The following DCC variants were observed in gnomAD, a reference collection of about 807,000 sequenced individuals.
The protein encoded by DCC is DCC netrin 1 receptor.
A neutral mutation model predicts 172.5 loss-of-function variants in DCC; 58 were observed. That is an observed-to-expected ratio of 0.34 (90% CI 0.27 to 0.42). DCC has a LOEUF of 0.42. Among genes scored for constraint, DCC ranks in the 10% least tolerant of loss-of-function variants. DCC has a pLI of 1.00. For synonymous variants in DCC, 709 were observed against 644.5 expected (o/e 1.10, Z -1.52); for missense variants, 1,740 against 1,791.0 (o/e 0.97, Z 0.51).
At chr18:52,495,140 G>A (rs543307918) in intron 1 of DCC, among the ~76,000 whole-genome samples, 15 of 152,160 alleles carry the variant, frequency 9.9e-5, no homozygotes, top group African/African-American at 2.4e-4. Context: ...CCTTGTCTCC[G>A]TCACCAAAGG....
At chr18:52,518,277 G>T (rs976920650) in intron 1 of DCC, among the ~76,000 whole-genome samples, 2 of 152,184 alleles carry the variant, frequency 1.3e-5, no homozygotes, top group Non-Finnish European at 2.9e-5. Flanking sequence ...GATTCCGTAA[G>T]AAAAAGCCAT....
At chr18:52,821,333 C>T (rs2038404240) in intron 2 of DCC, among the ~76,000 whole-genome samples, 1 of 152,144 alleles carries the variant, frequency 6.6e-6, no homozygotes, top group Non-Finnish European at 1.5e-5. Flanking sequence ...CCTCTCTTCC[C>T]CTCCTTCATC....
At chr18:53,283,964 G>A (rs1053977068) in intron 12 of DCC, among the ~76,000 whole-genome samples, 26 of 152,170 alleles carry the variant, frequency 1.7e-4, no homozygotes, top group African/African-American at 6.3e-4. Context: ...ATGATGAAAA[G>A]TACATAGGCT....
At chr18:53,410,310 CAT>C (rs1404189060) in intron 19 of DCC, 140 bp from the exon 20 acceptor site, 1 of 647,558 alleles carries the variant, frequency 1.5e-6, no homozygotes, top group Non-Finnish European at 2.8e-6. Flanking sequence ...GAAAAAAAGA[CAT>C]TACTTACAGA....
intron 5 of DCC, among the ~76,000 whole-genome samples, chr18:52,966,698 T>C (rs1420061398): frequency 1.3e-5 from 2 of 152,210 alleles, no homozygotes; most frequent in East Asian, 3.9e-4. Context: ...CCATGGCTCC[T>C]ACTGTTTGTG....
At chr18:52,901,211 T>A (rs964792481) in intron 2 of DCC, among the ~76,000 whole-genome samples, 4 of 152,048 alleles carry the variant, frequency 2.6e-5, no homozygotes, top group Non-Finnish European at 5.9e-5. Context: ...GGCAGGTGGA[T>A]CATTTGAAGT....
chr18:52,950,694 G>T (rs894204060), intron 5 of DCC, among the ~76,000 whole-genome samples: 1 of 151,444 alleles, frequency 6.6e-6, no homozygotes, highest in Non-Finnish European at 1.5e-5. Context: ...GGAGGCCGAG[G>T]GGGGTGGATC....
chr18:53,358,620 A>T (rs962169227), intron 15 of DCC, among the ~76,000 whole-genome samples: 1 of 138,898 alleles, frequency 7.2e-6, no homozygotes, highest in Non-Finnish European at 1.5e-5. Flanking sequence ...TTCCAGGTTC[A>T]ACCGATTCTC....
At chr18:53,374,434 T>C (rs1470724038) in intron 15 of DCC, among the ~76,000 whole-genome samples, 3 of 152,204 alleles carry the variant, frequency 2.0e-5, no homozygotes, top group Admixed American at 2.0e-4. Flanking sequence ...CATGAAACTA[T>C]GTATTATTTG....
intron 2 of DCC, among the ~76,000 whole-genome samples, chr18:52,776,700 A>G (rs1033223213): frequency 1.4e-4 from 21 of 151,860 alleles, no homozygotes; most frequent in Non-Finnish European, 5.9e-5. Context: ...TAAAAGTTTC[A>G]GAGAAAAACG....
At chr18:52,611,810 G>C (rs1456529045) in intron 1 of DCC, among the ~76,000 whole-genome samples, 1 of 152,056 alleles carries the variant, frequency 6.6e-6, no homozygotes, top group African/African-American at 2.4e-5. Flanking sequence ...ATACTACATG[G>C]TTTATAATGG....
At chr18:53,328,170 A>G in intron 14 of DCC, among the ~76,000 whole-genome samples, 1 of 152,226 alleles carries the variant, frequency 6.6e-6, no homozygotes, top group East Asian at 1.9e-4. Flanking sequence ...ATAAAAGTTC[A>G]GTGAAGTTGC....
intron 5 of DCC, among the ~76,000 whole-genome samples, chr18:53,061,879 C>T (rs933454963): frequency 6.6e-6 from 1 of 152,062 alleles, no homozygotes; most frequent in African/African-American, 2.4e-5. Flanking sequence ...TGTCAGCTCT[C>T]AATAAATGTT....
intron 9 of DCC, among the ~76,000 whole-genome samples, chr18:53,191,909 G>T (rs376456875): frequency 6.6e-6 from 1 of 152,078 alleles, no homozygotes; most frequent in South Asian, 2.1e-4. Context: ...AGCACACCAG[G>T]GTTCCCGTAT....
At chr18:52,772,337 TGTG>T (rs2037358636) in intron 2 of DCC, among the ~76,000 whole-genome samples, 1 of 152,254 alleles carries the variant, frequency 6.6e-6, no homozygotes, top group African/African-American at 2.4e-5. Context: ...AAGTGTGTAT[TGTG>T]GGGCACCAGC....
chr18:52,570,741 T>A (rs1380114852), intron 1 of DCC, among the ~76,000 whole-genome samples: 2 of 152,328 alleles, frequency 1.3e-5, no homozygotes, highest in East Asian at 1.9e-4. Context: ...TTGATATTTT[T>A]AAAAGATTTG....
At chr18:53,109,210 C>G (rs2043295355) in intron 7 of DCC, among the ~76,000 whole-genome samples, 1 of 151,282 alleles carries the variant, frequency 6.6e-6, no homozygotes, top group African/African-American at 2.4e-5. Flanking sequence ...AATGCCTACT[C>G]AGGTCTCTTG....
At chr18:53,465,393 GA>G (rs2045608632) in intron 24 of DCC, among the ~76,000 whole-genome samples, 1 of 152,070 alleles carries the variant, frequency 6.6e-6, no homozygotes, top group South Asian at 2.1e-4. Flanking sequence ...TTTAGCACTT[GA>G]AAAATGTGTT....
At chr18:52,721,784 G>A (rs1012007009) in intron 1 of DCC, among the ~76,000 whole-genome samples, 2 of 152,158 alleles carry the variant, frequency 1.3e-5, no homozygotes, top group African/African-American at 4.8e-5. Context: ...GAACACTTTG[G>A]GATGCCGAGG....
Sources: allele counts gnomAD v4.1 joint callset (sites outside exome capture counted in the v4.1 genomes callset), GRCh38; gene constraint gnomAD v4.1.1; transcripts MANE v1.5; gene names NCBI Gene and HGNC (gene_info 2026-07-23, HGNC 2026-07-21).